HS6ST3: variants seen among roughly 807,000 people sequenced by gnomAD.
HS6ST3 encodes heparan-sulfate 6-O-sulfotransferase 3.
A neutral mutation model predicts 36.7 loss-of-function variants in HS6ST3; 12 were observed. The ratio of observed to expected loss-of-function variants is 0.33; its 90% CI spans 0.21 to 0.53. The LOEUF (loss-of-function observed/expected upper bound fraction) is 0.53, where lower values mean the gene tolerates loss of function less well. Among genes scored for constraint, HS6ST3 ranks in the 20% least tolerant of loss-of-function variants. The pLI is 0.95. For synonymous variants in HS6ST3, 240 were observed against 257.5 expected (o/e 0.93, Z 0.65); for missense variants, 584 against 640.9 (o/e 0.91, Z 0.96).
At chr13:96,594,476 C>T (rs762859005) in intron 1 of HS6ST3, among the ~76,000 whole-genome samples, 1 of 152,036 alleles carries the variant, frequency 6.6e-6, no homozygotes, top group East Asian at 1.9e-4. Flanking sequence ...TGTGTATCTA[C>T]TATAGACCTT....
chr13:96,210,766 G>A lies in HS6ST3; in HGVS notation c.707+119197G>A, dbSNP rs151020439. On this transcript the variant is annotated intron_variant, in intron 1 of 1. Coordinates refer to ENST00000376705, the MANE Select transcript of HS6ST3 (RefSeq NM_153456.4). ...GTGCCATAATGCCCAGCTAATTTTT[G>A]TATTTTTAGTAGAGACGAGGTTTCA... 5.9e-5 allele frequency among the ~76,000 whole-genome samples: 9 copies of A among 151,662 alleles called. No individual in the cohort carries two copies. The East Asian group carries it at 1.2e-3, about 20-fold the overall frequency.
intron 1 of HS6ST3, among the ~76,000 whole-genome samples, chr13:96,469,789 G>A (rs1211165455): frequency 6.6e-6 from 1 of 152,060 alleles, no homozygotes; most frequent in East Asian, 1.9e-4. Context: ...ATTAATAATG[G>A]TAGTAGTGGC....
rs1449474366 is a variant in HS6ST3 at position 96,442,691 on chromosome 13, C to G, written c.707+351122C>G. Among the ~76,000 whole-genome samples, 3 of 150,240 alleles carry G rather than the reference C, an allele frequency of 2.0e-5. No individual in the cohort carries two copies. In the East Asian group the frequency reaches 5.9e-4, roughly 29 times the overall value. On this transcript the variant is annotated intron_variant, in intron 1 of 1. Coordinates refer to ENST00000376705, the MANE Select transcript of HS6ST3 (RefSeq NM_153456.4). ...CATTTCTGTAGCACACCTAGGGAGA[C>G]CAGATGGGAGAGAAGAAGAGAAGAC...
chr13:96,677,494 TAC>T (rs1466808000), intron 1 of HS6ST3, among the ~76,000 whole-genome samples: 1 of 152,154 alleles, frequency 6.6e-6, no homozygotes, highest in Non-Finnish European at 1.5e-5. Flanking sequence ...TGTGTACACT[TAC>T]ACATATATAT....
At position 96,149,177 on chromosome 13, in the gene HS6ST3, C is replaced by T. The variant is rs993071859; in HGVS notation, c.707+57608C>T. 9.2e-5 allele frequency among the ~76,000 whole-genome samples: 14 copies of T among 152,128 alleles called. No individual in the cohort carries two copies. In the East Asian group the frequency reaches 1.4e-3, roughly 15 times the overall value. On this transcript the variant is annotated intron_variant, in intron 1 of 1. Transcript: ENST00000376705. Reference sequence around the variant, plus strand: ...GGTCTTGATAACTTTCACATTAGAACGCCAATTATTGATGATTCGGGCTCC... The same window carrying T: ...GGTCTTGATAACTTTCACATTAGAATGCCAATTATTGATGATTCGGGCTCC...
chr13:96,731,221 A>G (rs1876144077), intron 1 of HS6ST3, among the ~76,000 whole-genome samples: 1 of 152,202 alleles, frequency 6.6e-6, no homozygotes, highest in Non-Finnish European at 1.5e-5. Context: ...TAGTTTAACC[A>G]GCATCTCCTC....
At chr13:96,397,869 A>G (rs2055430097) in intron 1 of HS6ST3, among the ~76,000 whole-genome samples, 1 of 134,328 alleles carries the variant, frequency 7.4e-6, no homozygotes, top group African/African-American at 2.8e-5. Context: ...TAGACCAGGT[A>G]CCACTATCTT....
At chr13:96,512,122 T>A (rs1594797136) in intron 1 of HS6ST3, among the ~76,000 whole-genome samples, 2 of 152,354 alleles carry the variant, frequency 1.3e-5, no homozygotes, top group South Asian at 4.1e-4. Flanking sequence ...TTGCTCTGGC[T>A]AGGACTTCCA....
At chr13:96,162,231 A>G (rs1483442648) in intron 1 of HS6ST3, among the ~76,000 whole-genome samples, 1 of 152,188 alleles carries the variant, frequency 6.6e-6, no homozygotes, top group Non-Finnish European at 1.5e-5. Context: ...CATAAGCTCC[A>G]ATATCCATCT....
At chr13:96,092,629 G>C (rs551566481) in intron 1 of HS6ST3, among the ~76,000 whole-genome samples, 89 of 152,282 alleles carry the variant, frequency 5.8e-4, no homozygotes, top group Non-Finnish European at 1.1e-3. Flanking sequence ...TGAGGAAATA[G>C]GAATTTAAAA....
chr13:96,381,949 T>A (rs1034740551), intron 1 of HS6ST3, among the ~76,000 whole-genome samples: 6 of 152,084 alleles, frequency 3.9e-5, no homozygotes, highest in Non-Finnish European at 7.4e-5. Context: ...ACACAGGGGC[T>A]GCATTAAGGA....
chr13:96,158,021 A>G (rs765474142), intron 1 of HS6ST3, among the ~76,000 whole-genome samples: 5 of 152,222 alleles, frequency 3.3e-5, no homozygotes, highest in Non-Finnish European at 5.9e-5. Context: ...ACTGGTGTAC[A>G]CAAAGTGGTT....
intron 1 of HS6ST3, among the ~76,000 whole-genome samples, chr13:96,441,720 C>T (rs776838291): frequency 5.3e-5 from 8 of 151,982 alleles, no homozygotes; most frequent in Non-Finnish European, 8.8e-5. Flanking sequence ...TAAAGAAGAG[C>T]TTCTAAAGGT....
chr13:96,676,438 T>C (rs57049213), intron 1 of HS6ST3, among the ~76,000 whole-genome samples: 218 of 152,274 alleles, frequency 1.4e-3, no homozygotes, highest in African/African-American at 5.0e-3. Context: ...AACACCATCA[T>C]TGACATACCC....
chr13:96,427,297 G>A (rs946190440), intron 1 of HS6ST3: 5 of 154,318 alleles, frequency 3.2e-5, no homozygotes. Flanking sequence ...CATTTTATAA[G>A]TGATAGTGCT....
At chr13:96,117,950 GCCT>G (rs1226295688) in intron 1 of HS6ST3, among the ~76,000 whole-genome samples, 1 of 151,512 alleles carries the variant, frequency 6.6e-6, no homozygotes, top group East Asian at 1.9e-4. Context: ...GCTCACTGTA[GCCT>G]CCTCCTCCTG....
rs185912574 is a variant in HS6ST3 at position 96,697,909 on chromosome 13, T to C, written c.708-134581T>C. On this transcript the variant is annotated intron_variant, in intron 1 of 1. Coordinates refer to ENST00000376705, the MANE Select transcript of HS6ST3 (RefSeq NM_153456.4). ...CTAAAAGTATAAGGGAAAATTGTTT[T>C]CTAGTGGTTAATGGTTATCTTTCGG... Among the ~76,000 whole-genome samples, 20 of 152,306 alleles carry C rather than the reference T, an allele frequency of 1.3e-4. No individual in the cohort carries two copies. In the East Asian group the frequency reaches 3.9e-3, roughly 29 times the overall value.
At chr13:96,489,180 T>A (rs2055932024) in intron 1 of HS6ST3, among the ~76,000 whole-genome samples, 1 of 151,988 alleles carries the variant, frequency 6.6e-6, no homozygotes, top group Non-Finnish European at 1.5e-5. Flanking sequence ...TTTTCATCCC[T>A]CCAAAAAGCA....
intron 1 of HS6ST3, among the ~76,000 whole-genome samples, chr13:96,745,699 C>A (rs1344052701): frequency 6.6e-6 from 1 of 152,100 alleles, no homozygotes; most frequent in African/African-American, 2.4e-5. Flanking sequence ...CCTCAGAATT[C>A]ATTTCAGTGC....
Sources: gnomAD v4.1 joint callset for allele counts (sites outside exome capture counted in the v4.1 genomes callset) on GRCh38, gnomAD v4.1.1 for gene constraint, MANE v1.5 for transcripts, NCBI Gene and HGNC (gene_info 2026-07-23, HGNC 2026-07-21) for gene names.